The following NDST4 variants were observed in gnomAD, a reference collection of about 807,000 sequenced individuals.
NDST4 encodes N-deacetylase and N-sulfotransferase 4.
Under a neutral mutation model 100.8 loss-of-function variants are expected in NDST4, and 63 were observed. The ratio of observed to expected loss-of-function variants is 0.62; its 90% CI spans 0.51 to 0.77. The LOEUF is 0.77. NDST4 is among the 30% of genes least tolerant of loss of function. NDST4 has a pLI of 0.00. For synonymous variants in NDST4, 377 were observed against 361.8 expected (o/e 1.04, Z -0.48); for missense variants, 943 against 1,018.4 (o/e 0.93, Z 1.01).
rs140879643 is a variant in NDST4, at chr4:115,027,596, T to C, written c.978+48463A>G. Among the ~76,000 whole-genome samples, 520 of 152,284 alleles carry C rather than the reference T, an allele frequency of 3.4e-3. 3 individuals are homozygous for C. Among genetic ancestry groups the C allele is most frequent in the Non-Finnish European group, 4.1e-3 (277 of 68,014 alleles). ...CTCATAAAAAGTGAGAAGTTTTAAA[T>C]AACACAGATACAAATTTTGTTTATT... On this transcript the variant is annotated intron_variant, in intron 2 of 13. Coordinates refer to ENST00000264363, the MANE Select transcript of NDST4 (RefSeq NM_022569.3).
intron 2 of NDST4, among the ~76,000 whole-genome samples, chr4:114,991,965 T>C (rs1331712719): frequency 6.6e-6 from 1 of 151,986 alleles, no homozygotes; most frequent in Non-Finnish European, 1.5e-5. Context: ...TCTAGTATTG[T>C]TTCTGGTTTA....
At chr4:114,888,002 A>C (rs1002558936) in intron 6 of NDST4, among the ~76,000 whole-genome samples, 37 of 152,202 alleles carry the variant, frequency 2.4e-4, no homozygotes, top group African/African-American at 7.9e-4. Flanking sequence ...CAGGAGTCTG[A>C]GACCAGCCTG....
At chr4:114,943,583 A>C (rs1725798185) in intron 4 of NDST4, among the ~76,000 whole-genome samples, 1 of 152,184 alleles carries the variant, frequency 6.6e-6, no homozygotes, top group African/African-American at 2.4e-5. Flanking sequence ...ATCTCTGCCA[A>C]TAGAACTTAA....
At chr4:114,881,046 C>A (rs1228539414) in intron 6 of NDST4, among the ~76,000 whole-genome samples, 4 of 152,096 alleles carry the variant, frequency 2.6e-5, no homozygotes, top group Non-Finnish European at 5.9e-5. Flanking sequence ...AAGAGACCAG[C>A]TCATATAAAT....
chr4:114,962,902 TA>T (rs1366969333), intron 4 of NDST4, among the ~76,000 whole-genome samples: 2 of 152,076 alleles, frequency 1.3e-5, no homozygotes, highest in Admixed American at 6.6e-5. Context: ...ATGACTATAA[TA>T]AAGGTAGATA....
intron 1 of NDST4, among the ~76,000 whole-genome samples, chr4:115,095,281 C>T (rs1446499908): frequency 1.3e-5 from 2 of 152,106 alleles, no homozygotes; most frequent in Non-Finnish European, 2.9e-5. Flanking sequence ...ATGCTATTCC[C>T]TACCCTCTCT....
intron 1 of NDST4, among the ~76,000 whole-genome samples, chr4:115,107,505 T>C (rs1241894182): frequency 3.3e-5 from 5 of 152,090 alleles, no homozygotes; most frequent in Non-Finnish European, 5.9e-5. Flanking sequence ...AAAATAATAA[T>C]GTTACTCAAT....
At chr4:114,892,055 G>A (rs757151674) in intron 6 of NDST4, among the ~76,000 whole-genome samples, 28 of 152,142 alleles carry the variant, frequency 1.8e-4, no homozygotes, top group South Asian at 1.0e-3. Context: ...TAGATGAACC[G>A]TATAAAATTG....
intron 10 of NDST4, among the ~76,000 whole-genome samples, chr4:114,845,584 A>G (rs1281276515): frequency 1.3e-5 from 2 of 152,186 alleles, no homozygotes; most frequent in African/African-American, 2.4e-5. Context: ...TAGGAAATCT[A>G]TTAATTCTTT....
chr4:115,071,276 TCA>T (rs70964340), intron 2 of NDST4, among the ~76,000 whole-genome samples: 25,200 of 137,864 alleles, frequency 0.18, 2,408 homozygotes, highest in East Asian at 0.34. Flanking sequence ...AAGTATGCCT[TCA>T]CACACACACA....
At chr4:114,956,641 C>A (rs1221977291) in intron 4 of NDST4, among the ~76,000 whole-genome samples, 3 of 152,078 alleles carry the variant, frequency 2.0e-5, no homozygotes, top group African/African-American at 7.2e-5. Flanking sequence ...AGGCAGACAG[C>A]TTAACAAAAA....
At chr4:114,938,854 T>G (rs1478287538) in intron 4 of NDST4, among the ~76,000 whole-genome samples, 2 of 152,256 alleles carry the variant, frequency 1.3e-5, no homozygotes, top group African/African-American at 4.8e-5. Flanking sequence ...TCCTAACATC[T>G]GTTACAGTAA....
At chr4:114,973,277 C>G (rs1482322472) in intron 3 of NDST4, among the ~76,000 whole-genome samples, 1 of 151,010 alleles carries the variant, frequency 6.6e-6, no homozygotes, top group Non-Finnish European at 1.5e-5. Flanking sequence ...TTTTTCTATA[C>G]CTAATATATA....
rs997760293 is a variant in NDST4 at position 114,933,000 on chromosome 4, C to T, written c.1536+2206G>A. Among the ~76,000 whole-genome samples the T allele has an allele frequency of 5.9e-4, 89 of 151,932 alleles. 1 individual carries two copies. Among genetic ancestry groups the T allele is most frequent in the African/African-American group, 2.1e-3 (86 of 41,380 alleles). On this transcript the variant is annotated intron_variant, in intron 6 of 13. Transcript: ENST00000264363. ...AAAATTTCTATGGATTCACAAAAGACCCAGAATAGTCAAAGCAATCTTGAG... is the reference window on the plus strand; with the variant it reads ...AAAATTTCTATGGATTCACAAAAGATCCAGAATAGTCAAAGCAATCTTGAG...
chr4:115,035,839 A>G (rs1343903925), intron 2 of NDST4, among the ~76,000 whole-genome samples: 1 of 152,066 alleles, frequency 6.6e-6, no homozygotes, highest in East Asian at 1.9e-4. Flanking sequence ...TTGGCTGCAT[A>G]CCAAGGATGT....
At chr4:115,031,512 G>A (rs1477200018) in intron 2 of NDST4, among the ~76,000 whole-genome samples, 2 of 152,026 alleles carry the variant, frequency 1.3e-5, no homozygotes, top group South Asian at 2.1e-4. Flanking sequence ...ATTATTCCAA[G>A]TAAGAGTAAG....
At chr4:115,030,859 G>C (rs1018670327) in intron 2 of NDST4, among the ~76,000 whole-genome samples, 6 of 151,982 alleles carry the variant, frequency 3.9e-5, no homozygotes, top group Non-Finnish European at 7.4e-5. Context: ...ATAAGTATTG[G>C]GCCTCAACTT....
At position 114,847,324 on chromosome 4, in the gene NDST4, C is replaced by G. The variant is rs920037241; in HGVS notation, c.1940+891G>C. Among the ~76,000 whole-genome samples the G allele has an allele frequency of 2.0e-4, 22 of 111,482 alleles. 1 individual carries two copies. The highest frequency in any genetic ancestry group is 8.0e-4 in the Admixed American group (8 of 9,974). 73.1% of individuals were successfully genotyped at this position (111,482 alleles called of 152,430 possible). Reference sequence around the variant, plus strand: ...CCGGGAGGCGGAGCTTGCAGTGAGCCGAGATCCCGCCACTGCACTCCAGCC... The same window carrying G: ...CCGGGAGGCGGAGCTTGCAGTGAGCGGAGATCCCGCCACTGCACTCCAGCC... On this transcript the variant is annotated intron_variant, in intron 9 of 13. Coordinates refer to ENST00000264363, the MANE Select transcript of NDST4 (RefSeq NM_022569.3).
Position 115,076,999 on chromosome 4 carries a change from G to T in NDST4, c.38C>A (p.Thr13Lys). Residue 13 changes from threonine (T) to lysine (K), a missense_variant, in exon 2 of 14, where the codon ACA becomes AAA. Physicochemically the swap from Thr to Lys is moderately conservative, Grantham distance 78. Coordinates refer to ENST00000264363, the MANE Select transcript of NDST4 (RefSeq NM_022569.3). ...AAAGGTAGCTAAGAGAACAATCAAT[G>T]TTCGAAAACTTCTCCGAAGTTTCAC... ...LIVKLRRSFR[T>K]LIVLLATFCL... The T allele has an allele frequency of 6.2e-7, 1 of 1,606,178 alleles. No individual in the cohort carries two copies. Among genetic ancestry groups the T allele is most frequent in the South Asian group, 1.1e-5 (1 of 89,222 alleles).
Sources: gnomAD v4.1 joint callset for allele counts (sites outside exome capture counted in the v4.1 genomes callset) on GRCh38, gnomAD v4.1.1 for gene constraint, MANE v1.5 for transcripts, NCBI Gene and HGNC (gene_info 2026-07-23, HGNC 2026-07-21) for gene names.